The following FAM227B variants were observed in gnomAD, a reference collection of about 807,000 sequenced individuals.
FAM227B encodes the protein family with sequence similarity 227 member B.
In FAM227B, 88 loss-of-function variants were observed where a neutral mutation model predicts 73.8. That is an observed-to-expected ratio of 1.19 (90% CI 1.00 to 1.42). FAM227B has a LOEUF of 1.42. Ranked by LOEUF, FAM227B falls within the 40% of genes most tolerant of loss-of-function variation. The pLI, the probability that FAM227B is intolerant of heterozygous loss-of-function variation, is 0.00. For missense variants in FAM227B, 632 were observed against 590.9 expected, an observed-to-expected ratio of 1.07 and a Z score of -0.72; for synonymous variants, 210 against 190.5, an observed-to-expected ratio of 1.10 and a Z score of -0.84.
intron 13 of FAM227B, among the ~76,000 whole-genome samples, chr15:49,348,486 T>C (rs2041838708): frequency 6.6e-6 from 1 of 152,192 alleles, no homozygotes; most frequent in Non-Finnish European, 1.5e-5. Flanking sequence ...AATTTCGTTT[T>C]TCCTTCAATA....
intron 2 of FAM227B, among the ~76,000 whole-genome samples, chr15:49,613,207 T>TAAAAC (rs1206701144): frequency 2.6e-5 from 4 of 151,354 alleles, no homozygotes; most frequent in South Asian, 2.1e-4. Context: ...TAAAAAAAGG[T>TAAAAC]AAAACAAAAC....
rs528670117 is a variant in FAM227B at position 49,408,676 on chromosome 15, C to T, written c.1013-37277G>A. On this transcript the variant is annotated intron_variant, in intron 11 of 15. Transcript: ENST00000299338. ...TTTTTTAGCCATATTCAGTCTATTA[C>T]TTAACCATTCTGCCAAATTATTTGT... Among the ~76,000 whole-genome samples, 7 of 152,264 alleles carry T rather than the reference C, an allele frequency of 4.6e-5. No homozygotes were observed. The South Asian group carries it at 1.2e-3, about 27-fold the overall frequency.
intron 11 of FAM227B, among the ~76,000 whole-genome samples, chr15:49,449,870 A>C (rs1483647281): frequency 6.6e-6 from 1 of 152,148 alleles, no homozygotes; most frequent in Non-Finnish European, 1.5e-5. Flanking sequence ...AGATACTGTC[A>C]TCCTGTGAAT....
intron 2 of FAM227B, among the ~76,000 whole-genome samples, chr15:49,614,412 C>T (rs984545234): frequency 6.6e-6 from 1 of 152,150 alleles, no homozygotes; most frequent in African/African-American, 2.4e-5. Context: ...ATTCAGAGTT[C>T]CTTGTTCAAA....
At chr15:49,591,484 CT>C (rs71120696) in intron 3 of FAM227B, among the ~76,000 whole-genome samples, 2,862 of 55,396 alleles carry the variant, frequency 0.052, 22 homozygotes, top group East Asian at 0.15. Flanking sequence ...CCCTTCCTTC[CT>C]TTTTTTTTTT....
chr15:49,523,077 G>C (rs1197818636), intron 10 of FAM227B, among the ~76,000 whole-genome samples: 1 of 152,168 alleles, frequency 6.6e-6, no homozygotes, highest in Non-Finnish European at 1.5e-5. Flanking sequence ...AGCAGATGTA[G>C]AGAAGTAGCA....
rs746627220 is a variant in FAM227B, at chr15:49,568,230, A to C, written c.747+15T>G. The C allele has an allele frequency of 3.2e-6, 5 of 1,575,658 alleles. No homozygotes were observed. The South Asian group carries it at 3.4e-5, about 11-fold the overall frequency. On this transcript the variant is annotated intron_variant, in intron 9 of 15. Transcript: ENST00000299338. ...TTTAAAAATAATTAGCATAACTGTT[A>C]ATTTCAATGCTTACCTGAAAAAATG...
intron 9 of FAM227B, among the ~76,000 whole-genome samples, chr15:49,552,254 T>C (rs1369471533): frequency 6.6e-6 from 1 of 152,238 alleles, no homozygotes; most frequent in African/African-American, 2.4e-5. Context: ...TTGCCAGATA[T>C]ACTACTTTGG....
intron 7 of FAM227B, chr15:49,576,158 A>C (rs1284787543): frequency 6.6e-6 from 1 of 152,342 alleles, no homozygotes; most frequent in African/African-American, 2.4e-5. Context: ...CTTTTTAATG[A>C]AAAAGAACAT....
chr15:49,432,725 A>G (rs1370184570), intron 11 of FAM227B, among the ~76,000 whole-genome samples: 1 of 151,658 alleles, frequency 6.6e-6, no homozygotes, highest in Non-Finnish European at 1.5e-5. Context: ...AAGATTATAT[A>G]TGATTTCGGA....
chr15:49,550,650 C>T (rs1217836814), intron 9 of FAM227B, among the ~76,000 whole-genome samples: 3 of 150,998 alleles, frequency 2.0e-5, no homozygotes, highest in Admixed American at 6.6e-5. Flanking sequence ...GGTGGGGCGG[C>T]GGGGCAGAGG....
chr15:49,401,992 A>C (rs185942931), intron 11 of FAM227B, among the ~76,000 whole-genome samples: 220 of 152,022 alleles, frequency 1.4e-3, no homozygotes, highest in Middle Eastern at 3.4e-3. Flanking sequence ...CCTAAAACTT[A>C]AAGTATAATA....
chr15:49,591,642 T>C (rs910465266), intron 3 of FAM227B, among the ~76,000 whole-genome samples: 1 of 151,818 alleles, frequency 6.6e-6, no homozygotes, highest in Non-Finnish European at 1.5e-5. Flanking sequence ...CGTGCCACCA[T>C]GCCCAACTAA....
At chr15:49,467,038 A>G (rs913884483) in intron 11 of FAM227B, among the ~76,000 whole-genome samples, 2 of 152,184 alleles carry the variant, frequency 1.3e-5, no homozygotes, top group African/African-American at 4.8e-5. Context: ...GTTTAGAATT[A>G]TCTTATGCCT....
chr15:49,488,424 A>T (rs1398344408), intron 11 of FAM227B: 1 of 151,872 alleles, frequency 6.6e-6, no homozygotes, highest in African/African-American at 2.4e-5. Context: ...GAGTTGAAAA[A>T]CTTGACAGGA....
intron 11 of FAM227B, among the ~76,000 whole-genome samples, chr15:49,396,654 A>C (rs1263683144): frequency 2.0e-5 from 3 of 151,878 alleles, no homozygotes; most frequent in Non-Finnish European, 4.4e-5. Flanking sequence ...AGATCTGAGA[A>C]CGGGCAGACT....
chr15:49,357,037 G>A (rs1275262893), intron 13 of FAM227B, among the ~76,000 whole-genome samples: 3 of 151,228 alleles, frequency 2.0e-5, no homozygotes, highest in African/African-American at 7.3e-5. Context: ...TGAAACCAAC[G>A]AGAACAAAGA....
chr15:49,508,654 A>G (rs2058755065), intron 10 of FAM227B, among the ~76,000 whole-genome samples: 1 of 152,142 alleles, frequency 6.6e-6, no homozygotes, highest in South Asian at 2.1e-4. Context: ...AACAATAATT[A>G]TGACTATAAC....
intron 14 of FAM227B, among the ~76,000 whole-genome samples, chr15:49,333,569 A>G (rs1038430789): frequency 6.6e-6 from 1 of 152,208 alleles, no homozygotes; most frequent in Non-Finnish European, 1.5e-5. Context: ...AAGCTGGGTG[A>G]TAAAGTTTTT....
Sources: gnomAD v4.1 joint callset for allele counts (sites outside exome capture counted in the v4.1 genomes callset) on GRCh38, gnomAD v4.1.1 for gene constraint, MANE v1.5 for transcripts, NCBI Gene and HGNC (gene_info 2026-07-23, HGNC 2026-07-21) for gene names.